ASCC2: variants seen among roughly 807,000 people sequenced by gnomAD.
ASCC2 encodes the protein ASC-1 complex subunit P100.
A neutral mutation model predicts 93.5 loss-of-function variants in ASCC2; 42 were observed. The observed-to-expected ratio is 0.45, with a 90% CI of 0.35 to 0.58. The LOEUF is 0.58. Ranked by LOEUF, ASCC2 falls within the 20% of genes least tolerant of loss-of-function variation. The probability of loss-of-function intolerance (pLI) is 0.00; values close to 1 mark genes in which losing one functional copy is unlikely to be tolerated. For missense variants in ASCC2, 859 were observed against 977.6 expected, an observed-to-expected ratio of 0.88 and a Z score of 1.62; for synonymous variants, 364 against 384.2, an observed-to-expected ratio of 0.95 and a Z score of 0.62.
chr22:29,819,194 CTT>C (rs2148076595), intron 5 of ASCC2, among the ~76,000 whole-genome samples: 1 of 152,254 alleles, frequency 6.6e-6, no homozygotes, highest in South Asian at 2.1e-4. Flanking sequence ...GAGTTTCGCT[CTT>C]GTTGCCCAGG....
At chr22:29,803,951 G>A (rs1876228223) in intron 13 of ASCC2, among the ~76,000 whole-genome samples, 1 of 152,206 alleles carries the variant, frequency 6.6e-6, no homozygotes, top group South Asian at 2.1e-4. Flanking sequence ...ATGGAGGTGG[G>A]CACTACATCT....
intron 4 of ASCC2, among the ~76,000 whole-genome samples, chr22:29,824,144 G>A (rs2061968137): frequency 1.3e-5 from 2 of 151,498 alleles, no homozygotes; most frequent in Non-Finnish European, 2.9e-5. Flanking sequence ...AGCTATGATT[G>A]CGCCACTGCA....
At chr22:29,833,978 A>T (rs1894472) in intron 1 of ASCC2, 13,795 of 175,432 alleles carry the variant, frequency 0.079, 906 homozygotes, top group South Asian at 0.26. Context: ...TGGCTTCCCA[A>T]AGTGCTGGGA....
At chr22:29,800,019 C>T (rs1014576907) in intron 15 of ASCC2, among the ~76,000 whole-genome samples, 9 of 152,212 alleles carry the variant, frequency 5.9e-5, no homozygotes, top group African/African-American at 2.2e-4. Flanking sequence ...AACTCCTGGA[C>T]TCAAGTGATC....
chr22:29,806,154 C>G, intron 12 of ASCC2, 62 bp downstream of exon 12: 1 of 1,553,204 alleles, frequency 6.4e-7, no homozygotes, highest in Non-Finnish European at 8.9e-7. Context: ...TTCCAGCAGC[C>G]TGTCTCACCT....
At chr22:29,832,192 G>C in intron 2 of ASCC2, 53 bp downstream of exon 2, 2 of 1,506,154 alleles carry the variant, frequency 1.3e-6, no homozygotes, top group South Asian at 2.3e-5. Flanking sequence ...TTTTGCTCCT[G>C]AAATTGCAAG....
At chr22:29,834,577 A>C (rs1438567848) in intron 1 of ASCC2, 1 of 471,010 alleles carries the variant, frequency 2.1e-6, no homozygotes, top group Non-Finnish European at 4.4e-6. Context: ...AGGCAAAGAA[A>C]GTAATAAAGG....
In ASCC2 at chr22:29,807,690, A is replaced by T. The variant is rs141817109; in HGVS notation, c.908+421T>A. On this transcript the variant is annotated intron_variant, in intron 9 of 19. Transcript: ENST00000307790. ...ATTTTTTTTAATATGCTAAGAGTTT[A>T]AAAAAAAATGCAGTTCAAGACCAGC... 7.3e-3 allele frequency among the ~76,000 whole-genome samples: 1,106 copies of T among 151,396 alleles called. 13 individuals are homozygous for T. The highest frequency in any genetic ancestry group is 0.025 in the African/African-American group (1,049 of 41,310).
rs570045017 is a variant in ASCC2 at position 29,791,462 on chromosome 22, C to G, written c.2023-914G>C. Reference sequence around the variant, plus strand: ...TGGGAGGCCGAGGCAGGTGGATCACCTGAGGTCAGGAGTTGGAGACCAGCC... The same window carrying G: ...TGGGAGGCCGAGGCAGGTGGATCACGTGAGGTCAGGAGTTGGAGACCAGCC... On this transcript the variant is annotated intron_variant, in intron 18 of 19. Coordinates refer to ENST00000307790, the MANE Select transcript of ASCC2 (RefSeq NM_032204.5). Among the ~76,000 whole-genome samples, 4 of 151,724 alleles carry G rather than the reference C, an allele frequency of 2.6e-5. No individual in the cohort carries two copies. In the South Asian group the frequency reaches 8.4e-4, roughly 32 times the overall value.
At chr22:29,831,612 G>A (rs1232066726) in intron 2 of ASCC2, among the ~76,000 whole-genome samples, 1 of 152,158 alleles carries the variant, frequency 6.6e-6, no homozygotes, top group Non-Finnish European at 1.5e-5. Context: ...TTGTTCAAGT[G>A]AGCTCAAATT....
intron 12 of ASCC2, 112 bp from the exon 13 acceptor site, chr22:29,804,942 C>T (rs56257141): frequency 3.2e-6 from 4 of 1,239,776 alleles, no homozygotes; most frequent in Non-Finnish European, 4.6e-6. Flanking sequence ...GCTTTCTGGG[C>T]TATATCTAAG....
chr22:29,814,714 G>A lies in ASCC2; in HGVS notation c.663C>T (p.Thr221=), dbSNP rs984429373. The part of the protein sequence containing the change: ...HCGLQGDGAN[T]TPQKLEERGR... ...CCCTCTCCTCAAGCTTCTGGGGTGT[G>A]GTATTGGCCCCGTCCCCTTGCAAAC... The change falls in exon 7 of 20, where the codon ACC becomes ACT. Residue 221 remains threonine (T), a synonymous_variant. Transcript: ENST00000307790. 1 of 1,607,952 alleles carries A rather than the reference G, an allele frequency of 6.2e-7. No homozygotes were observed. The highest frequency in any genetic ancestry group is 8.5e-7 in the Non-Finnish European group (1 of 1,177,570).
intron 6 of ASCC2, chr22:29,815,118 G>C: frequency 4.5e-6 from 1 of 221,778 alleles, no homozygotes; most frequent in Non-Finnish European, 8.9e-6. Context: ...AACATGGTGA[G>C]ACCCCCATCT....
chr22:29,813,716 G>A (rs962257540), intron 7 of ASCC2, among the ~76,000 whole-genome samples, 174 bp from the exon 8 acceptor site: 3 of 152,192 alleles, frequency 2.0e-5, no homozygotes, highest in South Asian at 2.1e-4. Flanking sequence ...TCAGGAGCAC[G>A]ATCTGGGTGA....
At chr22:29,833,010 T>C (rs923958182) in intron 1 of ASCC2, among the ~76,000 whole-genome samples, 1 of 152,148 alleles carries the variant, frequency 6.6e-6, no homozygotes, top group Non-Finnish European at 1.5e-5. Context: ...GATCCTCCTG[T>C]CTTGGCCTCC....
At chr22:29,800,250 A>G (rs764359040) in intron 15 of ASCC2, among the ~76,000 whole-genome samples, 1 of 152,044 alleles carries the variant, frequency 6.6e-6, no homozygotes, top group African/African-American at 2.4e-5. Context: ...TCTCGGTCCC[A>G]TGTCATGTTC....
At chr22:29,807,115 C>G (rs183200516) in intron 9 of ASCC2, among the ~76,000 whole-genome samples, 196 of 151,644 alleles carry the variant, frequency 1.3e-3, no homozygotes, top group Middle Eastern at 3.4e-3. Context: ...GTGATGCAGG[C>G]CTGTAGTTCC....
chr22:29,801,232 A>G, intron 14 of ASCC2, 122 bp from the exon 15 acceptor site: 1 of 1,289,544 alleles, frequency 7.8e-7, no homozygotes, highest in Non-Finnish European at 1.0e-6. Flanking sequence ...AGGCACTCCT[A>G]GGACACAATC....
Position 29,808,165 on chromosome 22 carries a change from G to A in ASCC2, c.854C>T (p.Ala285Val), listed in dbSNP as rs1444571693. The A allele has an allele frequency of 6.2e-7, 1 of 1,614,232 alleles. No homozygotes were observed. Among genetic ancestry groups the A allele is most frequent in the South Asian group, 1.1e-5 (1 of 91,086 alleles). ...TGCAGACTCCATTTCGGGAATTGCT[G>A]CTTCGTAGAAGGAAGCTAGTCTGTG... ...FCYRLASFYE[A>V]AIPEMESAIK... The change falls in exon 9 of 20, where the codon GCA (alanine) becomes GTA (valine). Residue 285 changes from alanine (A) to valine (V), a missense_variant. Ala to Val is a moderately conservative substitution (Grantham distance 64). Transcript: ENST00000307790.
Sources: allele counts gnomAD v4.1 joint callset (sites outside exome capture counted in the v4.1 genomes callset), GRCh38; gene constraint gnomAD v4.1.1; transcripts MANE v1.5; gene names NCBI Gene and HGNC (gene_info 2026-07-23, HGNC 2026-07-21).